USP32: variants seen among roughly 807,000 people sequenced by gnomAD.
The protein encoded by USP32 is ubiquitin specific peptidase 32, also known as ubiquitin carboxyl-terminal hydrolase 32.
Under a neutral mutation model 204.8 loss-of-function variants are expected in USP32, and 59 were observed. That is an observed-to-expected ratio of 0.29 (90% CI 0.23 to 0.36). The LOEUF (loss-of-function observed/expected upper bound fraction) is 0.36. Ranked by LOEUF, USP32 falls within the 10% of genes least tolerant of loss-of-function variation. The probability of loss-of-function intolerance (pLI) is 1.00; values close to 1 mark genes in which losing one functional copy is unlikely to be tolerated. For synonymous variants in USP32, 517 were observed against 678.4 expected (o/e 0.76, Z 3.70); for missense variants, 1,160 against 1,946.4 (o/e 0.60, Z 7.60).
chr17:60,368,139 A>G (rs1433504145), intron 1 of USP32, among the ~76,000 whole-genome samples: 2 of 152,172 alleles, frequency 1.3e-5, no homozygotes, highest in African/African-American at 4.8e-5. Context: ...AACCAGCAAC[A>G]ACAACAAAAC....
At chr17:60,223,374 A>T in intron 14 of USP32, 37 bp downstream of exon 14, 4 of 1,561,938 alleles carry the variant, frequency 2.6e-6, no homozygotes, top group Non-Finnish European at 3.5e-6. Flanking sequence ...ATAGCTTGCA[A>T]GAGAATAATT....
intron 9 of USP32, among the ~76,000 whole-genome samples, chr17:60,263,130 T>TA (rs968140054): frequency 3.3e-5 from 5 of 152,120 alleles, no homozygotes; most frequent in African/African-American, 1.2e-4. Context: ...TTTCTTTTTT[T>TA]AGAGATAGAG....
At chr17:60,413,199 G>A (rs2090031928) in intron 1 of USP32, among the ~76,000 whole-genome samples, 1 of 152,222 alleles carries the variant, frequency 6.6e-6, no homozygotes, top group African/African-American at 2.4e-5. Flanking sequence ...GTGCAGAGAT[G>A]TGTTCTGTAT....
At chr17:60,351,640 C>A (rs2088953361) in intron 1 of USP32, among the ~76,000 whole-genome samples, 1 of 152,154 alleles carries the variant, frequency 6.6e-6, no homozygotes, top group African/African-American at 2.4e-5. Flanking sequence ...GCTGGCCAGG[C>A]TGGTCTTGAA....
In USP32 at chr17:60,222,471, G is replaced by A; in HGVS notation, c.1687C>T (p.Pro563Ser). 6.2e-7 allele frequency: 1 copy of A among 1,614,016 alleles called. No individual in the cohort carries two copies. The highest frequency in any genetic ancestry group is 8.5e-7 in the Non-Finnish European group (1 of 1,179,986). Residue 563 changes from proline (P) to serine (S), a missense_variant, in exon 15 of 34, where the codon CCA (proline) becomes TCA (serine). Pro to Ser is a moderately conservative substitution (Grantham distance 74, BLOSUM62 -1). This residue lies in a region of USP32 where 536 missense variants were observed against 680.9 expected (regional missense o/e 0.79). Transcript: ENST00000300896. ...LIHGRDYEMVPEPVWRALYHW... is the reference protein window; with the variant it reads ...LIHGRDYEMVSEPVWRALYHW... ...TAAAGTGCTCTCCACACAGGTTCTG[G>A]GACCATTTCATAGTCTCTTCCATGA...
chr17:60,188,152 T>G (rs1481184818), intron 29 of USP32, among the ~76,000 whole-genome samples: 1 of 152,062 alleles, frequency 6.6e-6, no homozygotes, highest in Non-Finnish European at 1.5e-5. Flanking sequence ...GGCTAATCTG[T>G]GCATTTTTTG....
At chr17:60,360,913 G>T (rs571437923) in intron 1 of USP32, among the ~76,000 whole-genome samples, 17 of 151,990 alleles carry the variant, frequency 1.1e-4, no homozygotes, top group Non-Finnish European at 2.4e-4. Flanking sequence ...CAGATCGCTT[G>T]AAGTCAGGAG....
At chr17:60,222,298 C>T (rs911042961) in intron 15 of USP32, 111 bp downstream of exon 15, 3 of 1,248,886 alleles carry the variant, frequency 2.4e-6, no homozygotes, top group Admixed American at 2.1e-5. Flanking sequence ...GAACACTCTT[C>T]TACCACAAGG....
intron 1 of USP32, among the ~76,000 whole-genome samples, chr17:60,346,272 G>A (rs2088783117): frequency 6.6e-6 from 1 of 151,954 alleles, no homozygotes; most frequent in Non-Finnish European, 1.5e-5. Flanking sequence ...ATTTTCAAAA[G>A]ACAAAACTTT....
chr17:60,232,355 T>C (rs557354707), intron 12 of USP32, among the ~76,000 whole-genome samples: 31 of 151,346 alleles, frequency 2.0e-4, no homozygotes, highest in African/African-American at 7.3e-4. Flanking sequence ...ATATTTTTAG[T>C]AGAGTCGGGG....
chr17:60,228,378 A>G (rs918681862), intron 12 of USP32, among the ~76,000 whole-genome samples: 1 of 152,194 alleles, frequency 6.6e-6, no homozygotes, highest in Non-Finnish European at 1.5e-5. Flanking sequence ...AAAAAGAAGT[A>G]TAAATTAGTC....
At position 60,223,404 on chromosome 17, in the gene USP32, T is replaced by G. The variant is rs371267597; in HGVS notation, c.1608+7A>C. 1.6e-4 allele frequency: 255 copies of G among 1,599,906 alleles called. 1 individual carries two copies. The African/African-American group carries it at 3.2e-3, about 20-fold the overall frequency. On this transcript the variant is annotated splice_region_variant and intron_variant, in intron 14 of 33. Transcript: ENST00000300896. ...ATAATTTTAAGTTTAGATGTAAAATTACTTACCTTTACTGGTTCTTGAGTT... is the reference window on the plus strand; with the variant it reads ...ATAATTTTAAGTTTAGATGTAAAATGACTTACCTTTACTGGTTCTTGAGTT...
At chr17:60,318,671 C>G (rs953424976) in intron 2 of USP32, among the ~76,000 whole-genome samples, 2 of 152,214 alleles carry the variant, frequency 1.3e-5, no homozygotes, top group African/African-American at 4.8e-5. Context: ...GGTGAATTTA[C>G]AGAATTGTTT....
intron 12 of USP32, among the ~76,000 whole-genome samples, chr17:60,228,506 T>C (rs906037209): frequency 1.3e-5 from 2 of 149,254 alleles, no homozygotes; most frequent in African/African-American, 2.5e-5. Flanking sequence ...TTTTTCTTTT[T>C]TTTTTTTTTT....
chr17:60,258,982 A>G (rs1362174501), intron 9 of USP32, among the ~76,000 whole-genome samples: 2 of 152,196 alleles, frequency 1.3e-5, no homozygotes, highest in African/African-American at 4.8e-5. Context: ...TCCTTTAAAT[A>G]TATATTATTC....
chr17:60,227,582 CTTTTT>C (rs111424514), intron 12 of USP32, among the ~76,000 whole-genome samples: 18 of 139,716 alleles, frequency 1.3e-4, no homozygotes, highest in South Asian at 1.1e-3. Flanking sequence ...TTTTTCTTTT[CTTTTT>C]TTTTTTTTTG....
chr17:60,413,201 G>A (rs1018469382), intron 1 of USP32, among the ~76,000 whole-genome samples: 11 of 152,206 alleles, frequency 7.2e-5, no homozygotes, highest in Non-Finnish European at 1.2e-4. Context: ...GCAGAGATGT[G>A]TTCTGTATCC....
intron 2 of USP32, among the ~76,000 whole-genome samples, chr17:60,327,488 G>A (rs972677577): frequency 2.0e-5 from 3 of 149,862 alleles, no homozygotes; most frequent in Non-Finnish European, 4.4e-5. Context: ...GACAAGCGGG[G>A]CCCGCCCACC....
intron 1 of USP32, among the ~76,000 whole-genome samples, chr17:60,420,801 T>G (rs914138897): frequency 6.6e-6 from 1 of 152,240 alleles, no homozygotes; most frequent in Non-Finnish European, 1.5e-5. Flanking sequence ...AAGTGTATCC[T>G]TCAAGACTTT....
Sources: gnomAD v4.1 joint callset for allele counts (sites outside exome capture counted in the v4.1 genomes callset) on GRCh38, gnomAD v4.1.1 for gene constraint, gnomAD v4.1.1 regional missense constraint, MANE v1.5 for transcripts, NCBI Gene and HGNC (gene_info 2026-07-23, HGNC 2026-07-21) for gene names.